The following CCDC186 variants were observed in gnomAD, a reference collection of about 807,000 sequenced individuals.
CCDC186 encodes coiled-coil domain containing 186, also known as coiled-coil domain-containing protein 186.
Under a neutral mutation model 113.7 loss-of-function variants are expected in CCDC186, and 49 were observed. That is an observed-to-expected ratio of 0.43 (90% CI 0.34 to 0.55). The LOEUF is 0.55. Ranked by LOEUF, CCDC186 falls within the 20% of genes least tolerant of loss-of-function variation. CCDC186 has a pLI of 0.02. For missense variants in CCDC186, 890 were observed against 1,011.1 expected (o/e 0.88, Z 1.62); for synonymous variants, 355 against 345.8 (o/e 1.03, Z -0.30).
chr10:114,172,929 G>A (rs2032550401), intron 1 of CCDC186, among the ~76,000 whole-genome samples: 3 of 152,080 alleles, frequency 2.0e-5, no homozygotes, highest in Admixed American at 2.0e-4. Context: ...AAATATTAAG[G>A]TGTACTTGAT....
chr10:114,156,642 A>G (rs1392919193), intron 3 of CCDC186, among the ~76,000 whole-genome samples: 1 of 152,198 alleles, frequency 6.6e-6, no homozygotes, highest in Non-Finnish European at 1.5e-5. Flanking sequence ...CAGAAGAATC[A>G]CTTGAACCCA....
At chr10:114,125,631 T>C (rs970298276) in intron 15 of CCDC186, among the ~76,000 whole-genome samples, 1 of 152,230 alleles carries the variant, frequency 6.6e-6, no homozygotes, top group African/African-American at 2.4e-5. Flanking sequence ...ACTAATTATA[T>C]GTCAAAGCCC....
At chr10:114,157,072 T>A (rs1011037655) in intron 3 of CCDC186, among the ~76,000 whole-genome samples, 3 of 152,122 alleles carry the variant, frequency 2.0e-5, no homozygotes, top group African/African-American at 7.2e-5. Context: ...TACATCAGGC[T>A]ATGAGTCCTA....
chr10:114,131,180 T>C lies in CCDC186; in HGVS notation c.2068A>G (p.Ser690Gly), dbSNP rs1169896957. Residue 690 changes from serine to glycine, a missense_variant, in exon 12 of 16, where the codon AGT (serine) becomes GGT (glycine). Coordinates refer to ENST00000369287, the MANE Select transcript of CCDC186 (RefSeq NM_018017.4). ...LVTQRRKHAS[S>G]IKDLTKQLQQ... ...AGTTGTTTGGTGAGATCCTTGATAC[T>C]AGAGGCATGTTTACGTCTCTGAGTT... 1 of 1,582,144 alleles carries C rather than the reference T, an allele frequency of 6.3e-7. No individual in the cohort carries two copies. Among genetic ancestry groups the C allele is most frequent in the South Asian group, 1.2e-5 (1 of 85,724 alleles).
intron 1 of CCDC186, among the ~76,000 whole-genome samples, chr10:114,168,909 A>C (rs2032409346): frequency 1.3e-5 from 2 of 152,236 alleles, no homozygotes; most frequent in Non-Finnish European, 2.9e-5. Context: ...AGTCTCATGC[A>C]AAGGTACTAA....
intron 1 of CCDC186, among the ~76,000 whole-genome samples, chr10:114,164,172 G>A (rs891231175): frequency 7.0e-6 from 1 of 142,720 alleles, no homozygotes; most frequent in Non-Finnish European, 1.5e-5. Flanking sequence ...CCGGGCTGGA[G>A]TGCAATGGTG....
At chr10:114,137,320 G>A in intron 6 of CCDC186, 30 bp from the exon 7 acceptor site, 1 of 1,541,778 alleles carries the variant, frequency 6.5e-7, no homozygotes, top group African/African-American at 1.4e-5. Context: ...AGACACAGTT[G>A]GGTACAGCAA....
Position 114,126,184 on chromosome 10 carries a change from AAAGAT to A in CCDC186, c.2394-84_2394-80del, listed in dbSNP as rs1737124051. The A allele has an allele frequency of 3.9e-6, 4 of 1,028,640 alleles. No individual in the cohort carries two copies. The South Asian group carries it at 5.9e-5, about 15-fold the overall frequency. 63.7% of individuals were successfully genotyped at this position (1,028,640 alleles called of 1,614,324 possible). A position where few individuals can be genotyped will look rare whatever the true frequency, so the allele number is the denominator to read the frequency against. ...GAATCTGCAAAAGTCAACTAATCATAAAGATAAGCATAAAATAAATATTAGGTTAA... is the reference window on the plus strand; with the variant it reads ...GAATCTGCAAAAGTCAACTAATCATAAAGCATAAAATAAATATTAGGTTAA... On this transcript the variant is annotated intron_variant, in intron 14 of 15. Coordinates refer to ENST00000369287, the MANE Select transcript of CCDC186 (RefSeq NM_018017.4).
chr10:114,138,759 T>C (rs1308790018), intron 6 of CCDC186, among the ~76,000 whole-genome samples: 1 of 152,200 alleles, frequency 6.6e-6, no homozygotes, highest in Non-Finnish European at 1.5e-5. Context: ...TCCTTCTCTT[T>C]CTGCCCTCTT....
In CCDC186 at chr10:114,163,347, C is replaced by A; in HGVS notation, c.-61-18G>T. ...TTTTACATCTAAGAAATTGAAACAT[C>A]AAAATTAAAAACCACTTTAAACCAA... On this transcript the variant is annotated intron_variant, in intron 1 of 15. Coordinates refer to ENST00000369287, the MANE Select transcript of CCDC186 (RefSeq NM_018017.4). 9.2e-6 allele frequency: 14 copies of A among 1,517,524 alleles called. No homozygotes were observed. Among genetic ancestry groups the A allele is most frequent in the East Asian group, 2.3e-5 (1 of 43,718 alleles). The allele number at this position is 1,517,524 out of a possible 1,614,324, so 94.0% of individuals were successfully genotyped here.
intron 1 of CCDC186, among the ~76,000 whole-genome samples, chr10:114,166,818 T>A (rs879484160): frequency 3.3e-5 from 5 of 152,124 alleles, no homozygotes; most frequent in African/African-American, 1.2e-4. Flanking sequence ...CTGCTGGATA[T>A]TCATCTAGAT....
At chr10:114,164,954 T>A (rs769760887) in intron 1 of CCDC186, among the ~76,000 whole-genome samples, 1 of 152,184 alleles carries the variant, frequency 6.6e-6, no homozygotes, top group Non-Finnish European at 1.5e-5. Context: ...TTCTAGCACA[T>A]AGTGGGTTCT....
intron 6 of CCDC186, among the ~76,000 whole-genome samples, chr10:114,143,409 G>A (rs926251053): frequency 1.3e-5 from 2 of 152,174 alleles, no homozygotes; most frequent in African/African-American, 4.8e-5. Context: ...AATCATTACT[G>A]TTTTTATGAA....
At chr10:114,132,348 G>T (rs1211873983) in intron 10 of CCDC186, among the ~76,000 whole-genome samples, 164 bp from the exon 11 acceptor site, 1 of 152,156 alleles carries the variant, frequency 6.6e-6, no homozygotes, top group Non-Finnish European at 1.5e-5. Flanking sequence ...GAGCTGGAAA[G>T]AAAAGTGAGC....
intron 2 of CCDC186, among the ~76,000 whole-genome samples, chr10:114,159,890 A>T (rs964311591): frequency 6.6e-6 from 1 of 152,210 alleles, no homozygotes. Flanking sequence ...TGAGCACAGG[A>T]GGTTGACGCT....
intron 14 of CCDC186, 144 bp downstream of exon 14, chr10:114,127,317 G>A: frequency 1.4e-6 from 1 of 730,004 alleles, no homozygotes; most frequent in Non-Finnish European, 2.2e-6. Flanking sequence ...AACATAATAG[G>A]TGACCATAAA....
At chr10:114,132,926 C>G (rs1457715280) in intron 10 of CCDC186, among the ~76,000 whole-genome samples, 1 of 152,112 alleles carries the variant, frequency 6.6e-6, no homozygotes. Flanking sequence ...TGTTAATCAA[C>G]TACAGCTGAA....
At position 114,144,090 on chromosome 10, in the gene CCDC186, C is replaced by G. The variant is rs184785558; in HGVS notation, c.1221+407G>C. ...TTTTTTGAGTATAAAATCTTAGCAT[C>G]ATTGATTTTTTAAAATTTCTAGAGT... On this transcript the variant is annotated intron_variant, in intron 6 of 15. Coordinates refer to ENST00000369287, the MANE Select transcript of CCDC186 (RefSeq NM_018017.4). Among the ~76,000 whole-genome samples, 148 of 151,972 alleles carry G rather than the reference C, an allele frequency of 9.7e-4. 2 individuals are homozygous for G. The highest frequency in any genetic ancestry group is 3.4e-3 in the African/African-American group (140 of 41,520).
chr10:114,137,779 G>A (rs1246984671), intron 6 of CCDC186, among the ~76,000 whole-genome samples: 1 of 152,066 alleles, frequency 6.6e-6, no homozygotes, highest in Non-Finnish European at 1.5e-5. Flanking sequence ...GCTCATGCCT[G>A]TAATCCCAGC....
Sources: allele counts gnomAD v4.1 joint callset (sites outside exome capture counted in the v4.1 genomes callset), GRCh38; gene constraint gnomAD v4.1.1; transcripts MANE v1.5; gene names NCBI Gene and HGNC (gene_info 2026-07-23, HGNC 2026-07-21).